CNTNAP2: variants seen among roughly 807,000 people sequenced by gnomAD.
CNTNAP2 encodes contactin-associated protein-like 2.
Under a neutral mutation model 155.2 loss-of-function variants are expected in CNTNAP2, and 98 were observed. The observed-to-expected ratio is 0.63, with a 90% CI of 0.54 to 0.75. The LOEUF is 0.75. Ranked by LOEUF, CNTNAP2 falls within the 30% of genes least tolerant of loss-of-function variation. The pLI is 0.00. For missense variants in CNTNAP2, 1,727 were observed against 1,688.1 expected, an observed-to-expected ratio of 1.02 and a Z score of -0.40; for synonymous variants, 651 against 631.2, an observed-to-expected ratio of 1.03 and a Z score of -0.47.
At chr7:146,230,381 C>A (rs2116912110) in intron 1 of CNTNAP2, among the ~76,000 whole-genome samples, 1 of 152,296 alleles carries the variant, frequency 6.6e-6, no homozygotes, top group African/African-American at 2.4e-5. Flanking sequence ...AACCTGATAT[C>A]TTTCTAGAAA....
intron 21 of CNTNAP2, among the ~76,000 whole-genome samples, chr7:148,327,693 A>G (rs958392728): frequency 6.6e-6 from 1 of 152,050 alleles, no homozygotes; most frequent in Admixed American, 6.5e-5. Context: ...TATAATAGAC[A>G]CTCACTGTCT....
chr7:146,731,355 A>G (rs1801522375), intron 1 of CNTNAP2, among the ~76,000 whole-genome samples: 1 of 151,902 alleles, frequency 6.6e-6, no homozygotes, highest in African/African-American at 2.4e-5. Context: ...ATCACGTGCA[A>G]TATTTTATTT....
At chr7:146,454,882 A>G (rs1299306971) in intron 1 of CNTNAP2, among the ~76,000 whole-genome samples, 6 of 152,170 alleles carry the variant, frequency 3.9e-5, no homozygotes, top group African/African-American at 1.4e-4. Flanking sequence ...TTAATGGAAA[A>G]ATTGTATTAT....
intron 1 of CNTNAP2, among the ~76,000 whole-genome samples, chr7:146,690,529 AGATT>A (rs1800680614): frequency 6.6e-6 from 1 of 152,128 alleles, no homozygotes; most frequent in Non-Finnish European, 1.5e-5. Context: ...CAATTACCAA[AGATT>A]TAAATAAATG....
At chr7:146,143,066 T>C (rs1797903017) in intron 1 of CNTNAP2, among the ~76,000 whole-genome samples, 1 of 152,160 alleles carries the variant, frequency 6.6e-6, no homozygotes. Context: ...AGTTACAGGA[T>C]GATGGATTGC....
chr7:147,738,167 C>T (rs936507936), intron 13 of CNTNAP2, among the ~76,000 whole-genome samples: 32 of 152,206 alleles, frequency 2.1e-4, no homozygotes, highest in East Asian at 3.9e-4. Flanking sequence ...AATCGCCCCC[C>T]GAAATTGGTT....
chr7:146,815,788 C>A (rs769279744), intron 2 of CNTNAP2, among the ~76,000 whole-genome samples: 22 of 151,812 alleles, frequency 1.4e-4, no homozygotes, highest in Non-Finnish European at 2.9e-4. Flanking sequence ...ACTTTAAGTT[C>A]TAGGGTAGAT....
chr7:146,720,987 C>CTCTATATATTATATATATACTCTATATAT, intron 1 of CNTNAP2, among the ~76,000 whole-genome samples: 1 of 105,624 alleles, frequency 9.5e-6, no homozygotes, highest in Admixed American at 8.8e-5. Context: ...ACTATATATA[C>CTCTATATATTATATATATACTCTATATAT]TGTATATATA....
chr7:146,287,442 TCTC>T (rs1272884892), intron 1 of CNTNAP2, among the ~76,000 whole-genome samples: 1 of 152,176 alleles, frequency 6.6e-6, no homozygotes, highest in African/African-American at 2.4e-5. Flanking sequence ...AGGGGCAACT[TCTC>T]CTTAGTGTTT....
intron 18 of CNTNAP2, among the ~76,000 whole-genome samples, chr7:148,199,847 T>A (rs1441811196): frequency 6.6e-6 from 1 of 152,108 alleles, no homozygotes; most frequent in African/African-American, 2.4e-5. Flanking sequence ...TCATATCCCA[T>A]CTGCAAGCTG....
intron 3 of CNTNAP2, among the ~76,000 whole-genome samples, chr7:146,888,015 G>A (rs868738273): frequency 2.6e-5 from 4 of 152,074 alleles, no homozygotes; most frequent in Middle Eastern, 3.4e-3. Flanking sequence ...AAGTATTTAA[G>A]TCCAAAATTT....
chr7:146,983,181 CT>C (rs1260980990), intron 3 of CNTNAP2, among the ~76,000 whole-genome samples: 1 of 152,128 alleles, frequency 6.6e-6, no homozygotes, highest in Non-Finnish European at 1.5e-5. Context: ...GGAACAAAAG[CT>C]CCTAAAAATG....
At chr7:148,330,483 G>A (rs1797971464) in intron 21 of CNTNAP2, among the ~76,000 whole-genome samples, 1 of 151,110 alleles carries the variant, frequency 6.6e-6, no homozygotes. Context: ...GAAGTGGACG[G>A]ATGGAGTGGA....
At chr7:146,331,299 G>A (rs558439680) in intron 1 of CNTNAP2, among the ~76,000 whole-genome samples, 5 of 129,184 alleles carry the variant, frequency 3.9e-5, no homozygotes, top group South Asian at 2.3e-4. Context: ...GCGAGACTCC[G>A]TCTCAAAAAA....
rs1794915118 is a variant in CNTNAP2, at chr7:147,300,121, T to C, written c.1349-20T>C. On this transcript the variant is annotated intron_variant, in intron 8 of 23. Coordinates refer to ENST00000361727, the MANE Select transcript of CNTNAP2 (RefSeq NM_014141.6). ...TGGGTAATTTTAAGATAAAAATGAC[T>C]TTTATCTTGTACTTACCAGGTTCTG... 1.2e-6 allele frequency: 2 copies of C among 1,613,158 alleles called. No homozygotes were observed. Among genetic ancestry groups the C allele is most frequent in the Admixed American group, 1.7e-5 (1 of 59,938 alleles).
intron 11 of CNTNAP2, among the ~76,000 whole-genome samples, chr7:147,535,571 C>T (rs1171055682): frequency 6.6e-6 from 1 of 152,088 alleles, no homozygotes; most frequent in African/African-American, 2.4e-5. Context: ...TTCCCGGGTT[C>T]TTGCTTTTGG....
At chr7:147,836,175 G>C (rs851708) in intron 13 of CNTNAP2, among the ~76,000 whole-genome samples, 2 of 151,998 alleles carry the variant, frequency 1.3e-5, no homozygotes, top group African/African-American at 4.8e-5. Context: ...TGTCATTGTT[G>C]ATTTTAACAA....
intron 1 of CNTNAP2, among the ~76,000 whole-genome samples, chr7:146,376,139 A>G (rs934573115): frequency 1.3e-5 from 2 of 152,180 alleles, no homozygotes; most frequent in African/African-American, 2.4e-5. Context: ...AAACAAAACT[A>G]TAAGAGCGAG....
chr7:147,021,703 C>T (rs1156329514), intron 3 of CNTNAP2, among the ~76,000 whole-genome samples: 1 of 152,156 alleles, frequency 6.6e-6, no homozygotes, highest in Non-Finnish European at 1.5e-5. Flanking sequence ...CACAAATATT[C>T]AACAAACTTA....
Sources: allele counts gnomAD v4.1 joint callset (sites outside exome capture counted in the v4.1 genomes callset), GRCh38; gene constraint gnomAD v4.1.1; transcripts MANE v1.5; gene names NCBI Gene and HGNC (gene_info 2026-07-23, HGNC 2026-07-21).